OTUD7A: variants seen among roughly 807,000 people sequenced by gnomAD.
The protein encoded by OTUD7A is OTU deubiquitinase 7A.
In OTUD7A, 12 loss-of-function variants were observed where a neutral mutation model predicts 65.7. The ratio of observed to expected loss-of-function variants is 0.18; its 90% CI spans 0.12 to 0.30. The LOEUF (loss-of-function observed/expected upper bound fraction) is 0.30. OTUD7A is among the 10% of genes least tolerant of loss of function. The pLI is 1.00. For synonymous variants in OTUD7A, 641 were observed against 586.3 expected, an observed-to-expected ratio of 1.09 and a Z score of -1.35; for missense variants, 1,148 against 1,304.8, an observed-to-expected ratio of 0.88 and a Z score of 1.85.
intron 1 of OTUD7A, among the ~76,000 whole-genome samples, chr15:31,774,572 T>C (rs1052093420): frequency 1.3e-5 from 2 of 151,968 alleles, no homozygotes; most frequent in Non-Finnish European, 2.9e-5. Context: ...AATGAGGACA[T>C]GTTAGTATCA....
At chr15:31,526,525 C>T in intron 7 of OTUD7A, 64 bp from the exon 8 acceptor site, 1 of 1,340,044 alleles carries the variant, frequency 7.5e-7, no homozygotes, top group South Asian at 1.4e-5. Flanking sequence ...CCTCTCCTCA[C>T]CCTCCCAATC....
At chr15:31,592,904 A>AAAAAAATATATAT (rs1416029921) in intron 3 of OTUD7A, among the ~76,000 whole-genome samples, 2 of 59,382 alleles carry the variant, frequency 3.4e-5, no homozygotes, top group African/African-American at 1.6e-4. Context: ...AAAAAAAAAA[A>AAAAAAATATATAT]ATATATATAT....
intron 4 of OTUD7A, among the ~76,000 whole-genome samples, chr15:31,564,813 T>C (rs1166720162): frequency 6.6e-6 from 1 of 152,056 alleles, no homozygotes; most frequent in East Asian, 1.9e-4. Context: ...TGAAAGGATA[T>C]GGAAAAGTTG....
chr15:31,789,556 G>A (rs549032144), intron 1 of OTUD7A, among the ~76,000 whole-genome samples: 14 of 152,188 alleles, frequency 9.2e-5, no homozygotes, highest in Non-Finnish European at 5.9e-5. Flanking sequence ...GCTCAACATC[G>A]TGCCACTCAT....
In OTUD7A at chr15:31,679,740, T is replaced by A. The variant is rs191882012; in HGVS notation, c.-99-22663A>T. Among the ~76,000 whole-genome samples the A allele has an allele frequency of 3.5e-3, 527 of 152,300 alleles. 8 individuals are homozygous for A. The highest frequency in any genetic ancestry group is 0.024 in the Admixed American group (366 of 15,294). ...AATTAAACCTCTTTCCTTTATAAAT[T>A]ACCCAATCTTGGGCAGCTCTTTATT... On this transcript the variant is annotated intron_variant, in intron 1 of 12. Transcript: ENST00000307050.
At chr15:31,673,494 GC>G (rs1446058429) in intron 1 of OTUD7A, among the ~76,000 whole-genome samples, 1 of 152,192 alleles carries the variant, frequency 6.6e-6, no homozygotes, top group African/African-American at 2.4e-5. Flanking sequence ...AAAATGCGCA[GC>G]AGAGCTTGAC....
intron 3 of OTUD7A, among the ~76,000 whole-genome samples, chr15:31,625,201 G>A (rs1353912744): frequency 6.6e-6 from 1 of 152,166 alleles, no homozygotes; most frequent in African/African-American, 2.4e-5. Flanking sequence ...TGCGAGTGGG[G>A]ATGGAAGAAG....
At chr15:31,589,865 T>A (rs1038208604) in intron 3 of OTUD7A, among the ~76,000 whole-genome samples, 1 of 152,208 alleles carries the variant, frequency 6.6e-6, no homozygotes, top group Non-Finnish European at 1.5e-5. Flanking sequence ...TCTGTAAGAT[T>A]AGTATTGAAA....
At chr15:31,789,786 ACCTC>A (rs1895766899) in intron 1 of OTUD7A, among the ~76,000 whole-genome samples, 1 of 149,538 alleles carries the variant, frequency 6.7e-6, no homozygotes, top group Non-Finnish European at 1.5e-5. Flanking sequence ...GCTCACTGCA[ACCTC>A]CACCTCCCAG....
At chr15:31,734,306 T>C (rs868688050) in intron 1 of OTUD7A, among the ~76,000 whole-genome samples, 128 of 152,310 alleles carry the variant, frequency 8.4e-4, no homozygotes, top group Middle Eastern at 3.4e-3. Flanking sequence ...GAAGAATCAA[T>C]ATGATTGAAG....
At chr15:31,862,224 C>G (rs1897760402) in intron 1 of OTUD7A, among the ~76,000 whole-genome samples, 6 of 152,174 alleles carry the variant, frequency 3.9e-5, no homozygotes. Context: ...TCATCATCCC[C>G]AAGGATAAGG....
intron 1 of OTUD7A, among the ~76,000 whole-genome samples, chr15:31,715,096 T>C (rs2141341880): frequency 6.6e-6 from 1 of 151,844 alleles, no homozygotes; most frequent in East Asian, 1.9e-4. Flanking sequence ...AGCGCACCAC[T>C]GCACTCCAGA....
intron 8 of OTUD7A, among the ~76,000 whole-genome samples, chr15:31,521,820 G>T (rs1178226039): frequency 2.0e-5 from 3 of 152,154 alleles, no homozygotes; most frequent in African/African-American, 7.2e-5. Flanking sequence ...TGCCCCCGGG[G>T]GCTGCCAGAG....
rs576915354 is a variant in OTUD7A, at chr15:31,817,962, T to C, written c.-100+52545A>G. Among the ~76,000 whole-genome samples, 4 of 152,318 alleles carry C rather than the reference T, an allele frequency of 2.6e-5. No homozygotes were observed. In the East Asian group the frequency reaches 7.7e-4, roughly 29 times the overall value. On this transcript the variant is annotated intron_variant, in intron 1 of 12. Transcript: ENST00000307050. ...GCCTCCCACTCCTGAGTGGGATTCA[T>C]GCCCTTAGAAGAGAGCCGTCAGAGA...
At chr15:31,812,099 TAACA>T (rs1453996087) in intron 1 of OTUD7A, among the ~76,000 whole-genome samples, 2 of 152,080 alleles carry the variant, frequency 1.3e-5, no homozygotes, top group East Asian at 3.9e-4. Flanking sequence ...GAGGGAGCAT[TAACA>T]AACAAGTGGG....
intron 1 of OTUD7A, among the ~76,000 whole-genome samples, chr15:31,795,021 T>C (rs1895916215): frequency 6.6e-6 from 1 of 152,200 alleles, no homozygotes; most frequent in African/African-American, 2.4e-5. Context: ...TATAAATCTT[T>C]TAAATAATAA....
At chr15:31,664,995 C>G (rs1892280031) in intron 1 of OTUD7A, among the ~76,000 whole-genome samples, 1 of 152,160 alleles carries the variant, frequency 6.6e-6, no homozygotes, top group South Asian at 2.1e-4. Context: ...TCTGGGTTCT[C>G]TATTGTTTTC....
intron 1 of OTUD7A, among the ~76,000 whole-genome samples, chr15:31,771,901 T>G (rs2140914271): frequency 6.6e-6 from 1 of 152,282 alleles, no homozygotes; most frequent in East Asian, 1.9e-4. Context: ...ATATTTATTC[T>G]CCCTAACAGC....
intron 1 of OTUD7A, among the ~76,000 whole-genome samples, chr15:31,693,051 T>C (rs7164856): frequency 0.042 from 6,407 of 151,226 alleles, 102 homozygotes; most frequent in African/African-American, 0.11. Flanking sequence ...CAGTGATCAC[T>C]CGGTCTGTCT....
Sources: gnomAD v4.1 joint callset for allele counts (sites outside exome capture counted in the v4.1 genomes callset) on GRCh38, gnomAD v4.1.1 for gene constraint, MANE v1.5 for transcripts, NCBI Gene and HGNC (gene_info 2026-07-23, HGNC 2026-07-21) for gene names.